The following CDH13 variants were observed in gnomAD, a reference collection of about 807,000 sequenced individuals.
CDH13 encodes the protein cadherin 13.
CDH13 carries 24 observed loss-of-function variants against 63.8 expected under a neutral mutation model. The observed-to-expected ratio is 0.38, with a 90% CI of 0.27 to 0.53. The LOEUF (loss-of-function observed/expected upper bound fraction) is 0.53, where lower values mean the gene tolerates loss of function less well. Ranked by LOEUF, CDH13 falls within the 20% of genes least tolerant of loss-of-function variation. The pLI is 0.85. For synonymous variants in CDH13, 503 were observed against 355.3 expected (o/e 1.42, Z -4.67); for missense variants, 1,049 against 903.1 (o/e 1.16, Z -2.07).
At chr16:83,209,551 G>C (rs1363920765) in intron 4 of CDH13, among the ~76,000 whole-genome samples, 1 of 152,206 alleles carries the variant, frequency 6.6e-6, no homozygotes, top group African/African-American at 2.4e-5. Context: ...TTGTATGACA[G>C]ACCTTATTTT....
At chr16:83,785,748 T>G (rs1915837211) in intron 13 of CDH13, among the ~76,000 whole-genome samples, 1 of 152,076 alleles carries the variant, frequency 6.6e-6, no homozygotes, top group Non-Finnish European at 1.5e-5. Flanking sequence ...TGGGGAACTT[T>G]TAAAAGTAGC....
At chr16:83,102,065 C>T (rs983362086) in intron 3 of CDH13, among the ~76,000 whole-genome samples, 1 of 151,988 alleles carries the variant, frequency 6.6e-6, no homozygotes, top group Non-Finnish European at 1.5e-5. Context: ...TGTGTCAGAG[C>T]CAGAAAGGGA....
chr16:83,684,029 G>C (rs759728918), intron 10 of CDH13, among the ~76,000 whole-genome samples: 2 of 152,188 alleles, frequency 1.3e-5, no homozygotes, highest in African/African-American at 2.4e-5. Flanking sequence ...TGATATTCGA[G>C]TATCTCTAAT....
In CDH13 at chr16:83,019,168, G is replaced by C. The variant is rs1915100628; in HGVS notation, c.158-12842G>C. On this transcript the variant is annotated intron_variant, in intron 2 of 13. Transcript: ENST00000567109. ...TTTTTGGCTCTTGTGGTAACACTTA[G>C]CTTACAACACAAACACATTGTACAG... Among the ~76,000 whole-genome samples the C allele has an allele frequency of 2.0e-5, 3 of 152,094 alleles. No individual in the cohort carries two copies. The South Asian group carries it at 6.2e-4, about 32-fold the overall frequency.
chr16:83,135,009 T>G (rs149855680), intron 4 of CDH13, among the ~76,000 whole-genome samples: 1 of 152,346 alleles, frequency 6.6e-6, no homozygotes, highest in African/African-American at 2.4e-5. Flanking sequence ...TTTAATTATT[T>G]GTGAACATTC....
At chr16:83,503,932 A>T (rs1030156360) in intron 7 of CDH13, among the ~76,000 whole-genome samples, 3 of 143,484 alleles carry the variant, frequency 2.1e-5, no homozygotes, top group African/African-American at 5.2e-5. Context: ...TTTTGTTGCA[A>T]TTGCTTTTGG....
At chr16:83,511,891 A>G (rs2074574503) in intron 7 of CDH13, among the ~76,000 whole-genome samples, 2 of 152,144 alleles carry the variant, frequency 1.3e-5, no homozygotes, top group Non-Finnish European at 2.9e-5. Context: ...TGGGCATGTT[A>G]TTTAACCTCT....
intron 6 of CDH13, among the ~76,000 whole-genome samples, chr16:83,412,744 C>G (rs1207159058): frequency 1.3e-5 from 2 of 152,148 alleles, no homozygotes; most frequent in Non-Finnish European, 2.9e-5. Context: ...GTCATGAGCC[C>G]CCTTAAGACC....
At chr16:83,508,110 A>AGGAAGGAAGGAAGGAAGG (rs1476708476) in intron 7 of CDH13, among the ~76,000 whole-genome samples, 4 of 42,482 alleles carry the variant, frequency 9.4e-5, no homozygotes, top group African/African-American at 4.4e-4. Flanking sequence ...GAAGGAAGGA[A>AGGAAGGAAGGAAGGAAGG]AAGGAAGGAA....
At chr16:82,881,556 G>A (rs1003299389) in intron 2 of CDH13, among the ~76,000 whole-genome samples, 21 of 152,140 alleles carry the variant, frequency 1.4e-4, no homozygotes, top group Admixed American at 2.0e-4. Context: ...CTTTAGCCAA[G>A]GTAACCCATA....
At chr16:83,150,511 C>T (rs1390529020) in intron 4 of CDH13, among the ~76,000 whole-genome samples, 1 of 152,164 alleles carries the variant, frequency 6.6e-6, no homozygotes, top group African/African-American at 2.4e-5. Context: ...ACTCCACACT[C>T]AGATACTGAC....
intron 8 of CDH13, among the ~76,000 whole-genome samples, chr16:83,613,075 G>A (rs1293397541): frequency 6.6e-6 from 1 of 152,040 alleles, no homozygotes; most frequent in Non-Finnish European, 1.5e-5. Context: ...TAAAATCTTG[G>A]TTGCCAGTTA....
At chr16:82,985,163 C>G (rs1418215357) in intron 2 of CDH13, among the ~76,000 whole-genome samples, 1 of 152,170 alleles carries the variant, frequency 6.6e-6, no homozygotes, top group Non-Finnish European at 1.5e-5. Flanking sequence ...AAATACATTA[C>G]TTTAATCCTA....
chr16:83,286,718 T>C (rs1208180965), intron 5 of CDH13, among the ~76,000 whole-genome samples: 1 of 150,294 alleles, frequency 6.7e-6, no homozygotes, highest in African/African-American at 2.5e-5. Flanking sequence ...ATGGTACTAC[T>C]GTATTCCAGC....
At chr16:83,344,437 C>T (rs2090793534) in intron 5 of CDH13, among the ~76,000 whole-genome samples, 1 of 152,128 alleles carries the variant, frequency 6.6e-6, no homozygotes, top group African/African-American at 2.4e-5. Context: ...TAAAAGATTG[C>T]CATAAACACT....
intron 2 of CDH13, among the ~76,000 whole-genome samples, chr16:82,870,410 G>A (rs2040303268): frequency 6.6e-6 from 1 of 152,020 alleles, no homozygotes; most frequent in Non-Finnish European, 1.5e-5. Context: ...ACTATGGATG[G>A]TCCCCAAAAA....
chr16:82,901,523 G>T (rs1185131586), intron 2 of CDH13, among the ~76,000 whole-genome samples: 1 of 152,040 alleles, frequency 6.6e-6, no homozygotes, highest in Non-Finnish European at 1.5e-5. Context: ...TGAGTGAATA[G>T]ATCAAAGAAT....
intron 11 of CDH13, among the ~76,000 whole-genome samples, chr16:83,766,817 G>A (rs142624657): frequency 1.2e-4 from 19 of 152,218 alleles, no homozygotes; most frequent in African/African-American, 4.6e-4. Flanking sequence ...CATGGGGGCA[G>A]TTTCCTTCAT....
chr16:82,968,494 G>A (rs570274386), intron 2 of CDH13, among the ~76,000 whole-genome samples: 17 of 152,144 alleles, frequency 1.1e-4, no homozygotes, highest in Non-Finnish European at 1.9e-4. Context: ...CCCTGCCAGC[G>A]GCTTGGAGAC....
Sources: gnomAD v4.1 joint callset for allele counts (sites outside exome capture counted in the v4.1 genomes callset) on GRCh38, gnomAD v4.1.1 for gene constraint, MANE v1.5 for transcripts, NCBI Gene and HGNC (gene_info 2026-07-23, HGNC 2026-07-21) for gene names.